The following EPDR1 variants were observed in gnomAD, a reference collection of about 807,000 sequenced individuals.
EPDR1 encodes the protein ependymin related 1.
In EPDR1, 27 loss-of-function variants were observed where a neutral mutation model predicts 23.7. The ratio of observed to expected loss-of-function variants is 1.14; its 90% CI spans 0.84 to 1.57. The LOEUF is 1.57. Among genes scored for constraint, EPDR1 ranks in the 40% most tolerant of loss-of-function variants. EPDR1 has a pLI of 0.00. For synonymous variants in EPDR1, 137 were observed against 118.2 expected (o/e 1.16, Z -1.03); for missense variants, 349 against 290.4 (o/e 1.20, Z -1.47).
rs1024831290 is a variant in EPDR1, at chr7:37,921,039, G to C, written c.100G>C (p.Gly34Arg). The C allele has an allele frequency of 2.6e-6, 4 of 1,532,648 alleles. No homozygotes were observed. The African/African-American group carries it at 5.5e-5, about 21-fold the overall frequency. The allele number at this position is 1,532,648 out of a possible 1,614,324, so 94.9% of individuals were successfully genotyped here. ...AWTLCGLCSL[G>R]AVGAPRPCQA... ...GACCCTGTGCGGCCTGTGCAGCCTG[G>C]GGGCGGTGGGAGCCCCGCGCCCGTG... Residue 34 changes from glycine (G) to arginine (R), a missense_variant, in exon 1 of 3, where the codon GGG (glycine) becomes CGG (arginine). Coordinates refer to ENST00000199448, the MANE Select transcript of EPDR1 (RefSeq NM_017549.5).
intron 2 of EPDR1, among the ~76,000 whole-genome samples, chr7:37,949,265 C>A (rs1007253089): frequency 2.0e-5 from 3 of 152,222 alleles, no homozygotes; most frequent in Non-Finnish European, 2.9e-5. Flanking sequence ...ACCTGCACCT[C>A]TCTGCCACTT....
chr7:37,949,018 G>A lies in EPDR1; in HGVS notation c.448G>A (p.Glu150Lys), dbSNP rs1786340200. 1 of 1,614,046 alleles carries A rather than the reference G, an allele frequency of 6.2e-7. No homozygotes were observed. The highest frequency in any genetic ancestry group is 8.5e-7 in the Non-Finnish European group (1 of 1,180,034). ...GGPQEQITVQ[E>K]WSDRKSARSY... ...GCCTCAGGAGCAGATCACCGTCCAG[G>A]AGTGGTCGGACAGAAAGTCAGCTAG... Residue 150 changes from glutamate (E) to lysine (K), a missense_variant, in exon 2 of 3, where the codon GAG becomes AAG. Physicochemically the swap from Glu to Lys is moderately conservative, Grantham distance 56 (BLOSUM62 1). Transcript: ENST00000199448.
intron 1 of EPDR1, among the ~76,000 whole-genome samples, chr7:37,947,034 G>A (rs1786290627): frequency 1.3e-5 from 2 of 152,114 alleles, no homozygotes; most frequent in African/African-American, 4.8e-5. Context: ...AGTGTACAAT[G>A]TTTATAAAGC....
chr7:37,944,658 A>G (rs1786237249), intron 1 of EPDR1, among the ~76,000 whole-genome samples: 1 of 152,218 alleles, frequency 6.6e-6, no homozygotes. Flanking sequence ...AGACTTATTC[A>G]CTACCAGAAG....
At position 37,921,009 on chromosome 7, in the gene EPDR1, G is replaced by C. The variant is rs1213924712; in HGVS notation, c.70G>C (p.Ala24Pro). The change falls in exon 1 of 3, where the codon GCC (alanine) becomes CCC (proline). Residue 24 changes from alanine to proline, a missense_variant. By Grantham distance (27) the Ala-to-Pro change is conservative. Coordinates refer to ENST00000199448, the MANE Select transcript of EPDR1 (RefSeq NM_017549.5). ...TGCCTGGCTGCTGGGCGGCCTCTGG[G>C]CCTGGACCCTGTGCGGCCTGTGCAG... is the stretch of plus-strand genomic sequence containing the variant. Reference protein sequence around the residue: ...LGAWLLGGLWAWTLCGLCSLG... With the variant: ...LGAWLLGGLWPWTLCGLCSLG... 2.0e-6 allele frequency: 3 copies of C among 1,529,040 alleles called. No individual in the cohort carries two copies. Among genetic ancestry groups the C allele is most frequent in the East Asian group, 2.4e-5 (1 of 41,896 alleles). The allele number at this position is 1,529,040 out of a possible 1,614,324, so 94.7% of individuals were successfully genotyped here. A position where few individuals can be genotyped will look rare whatever the true frequency, so the allele number is the denominator to read the frequency against.
chr7:37,949,145 C>A, intron 2 of EPDR1, 97 bp downstream of exon 2: 1 of 1,243,076 alleles, frequency 8.0e-7, no homozygotes, highest in Non-Finnish European at 1.1e-6. Flanking sequence ...GAAACATCCG[C>A]TTAATCAAAA....
chr7:37,936,767 G>C (rs944469513), intron 1 of EPDR1, among the ~76,000 whole-genome samples: 1 of 152,114 alleles, frequency 6.6e-6, no homozygotes, highest in African/African-American at 2.4e-5. Context: ...TAAAGGAAAT[G>C]TGCAAACCTT....
intron 2 of EPDR1, among the ~76,000 whole-genome samples, 190 bp downstream of exon 2, chr7:37,949,238 C>T (rs903028314): frequency 1.3e-5 from 2 of 152,164 alleles, no homozygotes. Flanking sequence ...TTTGAAACAC[C>T]TCAGCCTTCT....
Position 37,931,678 on chromosome 7 carries a change from T to C in EPDR1, c.269+10470T>C, listed in dbSNP as rs138312436. On this transcript the variant is annotated intron_variant, in intron 1 of 2. Transcript: ENST00000199448. Reference sequence around the variant, plus strand: ...AAGGTGTAGTTTTAGGGGAACTTTGTTTTTGTTTCACTTTGTTTTGTTTTT... The same window carrying C: ...AAGGTGTAGTTTTAGGGGAACTTTGCTTTTGTTTCACTTTGTTTTGTTTTT... 8.4e-3 allele frequency among the ~76,000 whole-genome samples: 1,280 copies of C among 152,086 alleles called. 6 individuals are homozygous for C. Among genetic ancestry groups the C allele is most frequent in the Non-Finnish European group, 0.014 (972 of 67,980 alleles).
chr7:37,934,954 A>T (rs1048038799), intron 1 of EPDR1, among the ~76,000 whole-genome samples: 2 of 151,796 alleles, frequency 1.3e-5, no homozygotes, highest in Non-Finnish European at 2.9e-5. Context: ...TTAAAAAAAA[A>T]GTTAACTATG....
intron 1 of EPDR1, among the ~76,000 whole-genome samples, chr7:37,943,750 A>G (rs1360207062): frequency 6.6e-6 from 1 of 152,228 alleles, no homozygotes; most frequent in South Asian, 2.1e-4. Context: ...CACCAAAACG[A>G]ACACTTGTGT....
At chr7:37,933,504 C>T (rs936496705) in intron 1 of EPDR1, among the ~76,000 whole-genome samples, 2 of 152,170 alleles carry the variant, frequency 1.3e-5, no homozygotes, top group Non-Finnish European at 2.9e-5. Flanking sequence ...ATTTTCTCAT[C>T]TGTTAAAAAA....
At chr7:37,949,571 G>A (rs1331091744) in intron 2 of EPDR1, among the ~76,000 whole-genome samples, 1 of 152,060 alleles carries the variant, frequency 6.6e-6, no homozygotes, top group African/African-American at 2.4e-5. Flanking sequence ...AAAAATTAAA[G>A]ATAAGACTGC....
In EPDR1 at chr7:37,934,091, C is replaced by G. The variant is rs547214437; in HGVS notation, c.269+12883C>G. Among the ~76,000 whole-genome samples the G allele has an allele frequency of 2.1e-3, 312 of 152,088 alleles. 1 individual carries two copies. Among genetic ancestry groups the G allele is most frequent in the Non-Finnish European group, 3.6e-3 (248 of 68,010 alleles). On this transcript the variant is annotated intron_variant, in intron 1 of 2. Transcript: ENST00000199448. Reference sequence around the variant, plus strand: ...TCCCGGGTTCACGCCATTCTCCTGCCTCAGCCTCCCCAGCAGCTGGGACTA... The same window carrying G: ...TCCCGGGTTCACGCCATTCTCCTGCGTCAGCCTCCCCAGCAGCTGGGACTA...
In EPDR1 at chr7:37,950,216, C is replaced by T; in HGVS notation, c.495C>T (p.Gly165=). 1 of 1,609,916 alleles carries T rather than the reference C, an allele frequency of 6.2e-7. No homozygotes were observed. Among genetic ancestry groups the T allele is most frequent in the Non-Finnish European group, 8.5e-7 (1 of 1,177,004 alleles). The change falls in exon 3 of 3, where the codon GGC becomes GGT. Residue 165 remains glycine (G), a synonymous_variant. Transcript: ENST00000199448. ...KSARSYETWI[G]IYTVKDCYPV... is the part of the protein sequence containing the mutation. ...CTCTTATAGATGAAACCTGGATTGGCATCTATACAGTCAAGGATTGCTATC... is the reference window on the plus strand; with the variant it reads ...CTCTTATAGATGAAACCTGGATTGGTATCTATACAGTCAAGGATTGCTATC...
At chr7:37,947,691 A>G (rs1314335209) in intron 1 of EPDR1, among the ~76,000 whole-genome samples, 1 of 152,222 alleles carries the variant, frequency 6.6e-6, no homozygotes, top group Non-Finnish European at 1.5e-5. Context: ...GCTGCAAGAC[A>G]CATTTTCTTG....
At chr7:37,947,460 C>T (rs999163346) in intron 1 of EPDR1, among the ~76,000 whole-genome samples, 15 of 152,312 alleles carry the variant, frequency 9.8e-5, no homozygotes, top group Admixed American at 9.8e-4. Flanking sequence ...TGTGTTTTGA[C>T]TATAAAGACA....
chr7:37,922,666 A>G (rs59771742), intron 1 of EPDR1, among the ~76,000 whole-genome samples: 70,505 of 148,616 alleles, frequency 0.47, 16,919 homozygotes, highest in African/African-American at 0.6. Flanking sequence ...TGAGGAAGCT[A>G]GGGGGGGGTT....
chr7:37,927,364 G>A (rs1221877920), intron 1 of EPDR1, among the ~76,000 whole-genome samples: 1 of 147,648 alleles, frequency 6.8e-6, no homozygotes. Flanking sequence ...AACACTACAT[G>A]GTTCATTCTA....
Sources: allele counts gnomAD v4.1 joint callset (sites outside exome capture counted in the v4.1 genomes callset), GRCh38; gene constraint gnomAD v4.1.1; transcripts MANE v1.5; gene names NCBI Gene and HGNC (gene_info 2026-07-23, HGNC 2026-07-21).